KLF12: variants seen among roughly 807,000 people sequenced by gnomAD.
KLF12 encodes the protein Krueppel-like factor 12.
KLF12 carries 9 observed loss-of-function variants against 37.8 expected under a neutral mutation model. The ratio of observed to expected loss-of-function variants is 0.24; its 90% CI spans 0.14 to 0.42. The LOEUF (loss-of-function observed/expected upper bound fraction) is 0.42. Among genes scored for constraint, KLF12 ranks in the 10% least tolerant of loss-of-function variants. The probability of loss-of-function intolerance (pLI) is 1.00; values close to 1 mark genes in which losing one functional copy is unlikely to be tolerated. For synonymous variants in KLF12, 208 were observed against 202.1 expected, an observed-to-expected ratio of 1.03 and a Z score of -0.25; for missense variants, 411 against 516.0, an observed-to-expected ratio of 0.80 and a Z score of 1.97.
intron 2 of KLF12, among the ~76,000 whole-genome samples, chr13:73,984,785 C>A (rs192951871): frequency 6.6e-6 from 1 of 152,198 alleles, no homozygotes; most frequent in Admixed American, 6.5e-5. Flanking sequence ...AAAAACAAAA[C>A]GTTACGGATT....
rs191469012 is a variant in KLF12 at position 73,914,881 on chromosome 13, A to G, written c.123+29100T>C. Among the ~76,000 whole-genome samples the G allele has an allele frequency of 1.8e-4, 27 of 152,242 alleles. 1 individual carries two copies. The highest frequency in any genetic ancestry group is 1.5e-3 in the Admixed American group (23 of 15,280). On this transcript the variant is annotated intron_variant, in intron 3 of 7. Transcript: ENST00000377669. ...TTTTGCTTTCATTGAAGAATTCCCA[A>G]AAGTAAGTTTTCCATTTTACATTCT...
rs185169169 is a variant in KLF12, at chr13:73,818,362, G to T, written c.671-5075C>A. On this transcript the variant is annotated intron_variant, in intron 4 of 7. Transcript: ENST00000377669. ...CTGAGACTTGATAGGATGCTCATAT[G>T]GGTGGGTTCTCACTGGTGTATGGTC... 1.6e-3 allele frequency among the ~76,000 whole-genome samples: 239 copies of T among 152,328 alleles called. 1 individual carries two copies. Among genetic ancestry groups the T allele is most frequent in the Non-Finnish European group, 2.7e-3 (184 of 68,034 alleles).
At chr13:74,067,200 C>A (rs1000506770) in intron 1 of KLF12, among the ~76,000 whole-genome samples, 5 of 151,852 alleles carry the variant, frequency 3.3e-5, no homozygotes, top group Admixed American at 6.6e-5. Context: ...TAACAAGATA[C>A]AACCCTTGAA....
chr13:74,186,237 T>C, the KLF12 span, among the ~76,000 whole-genome samples: 1 of 152,194 alleles, frequency 6.6e-6, no homozygotes, highest in Non-Finnish European at 1.5e-5. Flanking sequence ...TACTTTGATA[T>C]TAGCAACAGC....
At chr13:74,082,251 T>G (rs954816657) in intron 1 of KLF12, among the ~76,000 whole-genome samples, 1 of 151,488 alleles carries the variant, frequency 6.6e-6, no homozygotes, top group African/African-American at 2.4e-5. Flanking sequence ...GAGGATCACC[T>G]GACCCCAGGA....
chr13:73,929,552 C>G (rs1404873325), intron 3 of KLF12, among the ~76,000 whole-genome samples: 1 of 152,134 alleles, frequency 6.6e-6, no homozygotes, highest in African/African-American at 2.4e-5. Flanking sequence ...ACAACAGAAT[C>G]CCCTCCGTAT....
chr13:73,881,878 A>C (rs1172531395), intron 3 of KLF12, among the ~76,000 whole-genome samples: 1 of 152,182 alleles, frequency 6.6e-6, no homozygotes, highest in Non-Finnish European at 1.5e-5. Flanking sequence ...TGGAGGAAGA[A>C]AGTGGCATTA....
In KLF12 at chr13:73,885,794, G is replaced by C. The variant is rs528704817; in HGVS notation, c.124-39421C>G. ...GTACACAGAGAATACGTTGAAGGGAGTGACAGCAGAAGTTAGAGAAACCAT... is the reference window on the plus strand; with the variant it reads ...GTACACAGAGAATACGTTGAAGGGACTGACAGCAGAAGTTAGAGAAACCAT... On this transcript the variant is annotated intron_variant, in intron 3 of 7. Coordinates refer to ENST00000377669, the MANE Select transcript of KLF12 (RefSeq NM_007249.5). 1.8e-4 allele frequency among the ~76,000 whole-genome samples: 27 copies of C among 152,320 alleles called. No homozygotes were observed. In the South Asian group the frequency reaches 5.2e-3, roughly 29 times the overall value.
At chr13:74,224,383 A>T in the KLF12 span, among the ~76,000 whole-genome samples, 1 of 152,176 alleles carries the variant, frequency 6.6e-6, no homozygotes, top group African/African-American at 2.4e-5. Flanking sequence ...GATATCTATG[A>T]CATCCAGGAT....
intron 3 of KLF12, among the ~76,000 whole-genome samples, chr13:73,923,023 G>C (rs1488014879): frequency 6.6e-6 from 1 of 152,160 alleles, no homozygotes; most frequent in African/African-American, 2.4e-5. Context: ...CTGTACAAAA[G>C]ATGTGGAATC....
intron 4 of KLF12, 70 bp from the exon 5 acceptor site, chr13:73,813,357 A>G: frequency 6.5e-7 from 1 of 1,537,852 alleles, no homozygotes; most frequent in Non-Finnish European, 8.9e-7. Flanking sequence ...CTGGACCAAC[A>G]TCAAGTATGG....
At chr13:74,195,994 A>G in the KLF12 span, among the ~76,000 whole-genome samples, 1 of 152,190 alleles carries the variant, frequency 6.6e-6, no homozygotes, top group Non-Finnish European at 1.5e-5. Flanking sequence ...CTGTGGTTAC[A>G]AGGTATTATG....
At chr13:74,234,070 A>G in the KLF12 span, among the ~76,000 whole-genome samples, 1 of 152,228 alleles carries the variant, frequency 6.6e-6, no homozygotes. Flanking sequence ...CAAGATGTTG[A>G]TAATAGGAGG....
the KLF12 span, among the ~76,000 whole-genome samples, chr13:74,270,495 A>G: frequency 2.3e-4 from 35 of 152,314 alleles, no homozygotes; most frequent in African/African-American, 7.5e-4. Flanking sequence ...GTAATCACAC[A>G]TCAGTGTGCT....
In KLF12 at chr13:74,069,085, G is replaced by A. The variant is rs560969965; in HGVS notation, c.-32+64654C>T. On this transcript the variant is annotated intron_variant, in intron 1 of 7. Transcript: ENST00000377669. ...CAAATGTAATGGGATAGACAGACAT[G>A]CTAACAAACAGTAGCTATTCATCAT... 2.0e-5 allele frequency among the ~76,000 whole-genome samples: 3 copies of A among 152,264 alleles called. No homozygotes were observed. The East Asian group carries it at 5.8e-4, about 29-fold the overall frequency.
the KLF12 span, among the ~76,000 whole-genome samples, chr13:74,161,175 G>A: frequency 2.6e-5 from 4 of 151,702 alleles, no homozygotes; most frequent in Admixed American, 2.0e-4. Context: ...TAGAGTTTTA[G>A]CAAATTTGTT....
the KLF12 span, among the ~76,000 whole-genome samples, chr13:74,159,458 T>C: frequency 6.6e-6 from 1 of 152,196 alleles, no homozygotes; most frequent in Non-Finnish European, 1.5e-5. Flanking sequence ...TGCTGAAAAT[T>C]CTAACAGTAC....
the KLF12 span, among the ~76,000 whole-genome samples, chr13:74,272,313 C>T: frequency 1.1e-4 from 17 of 152,262 alleles, no homozygotes; most frequent in African/African-American, 4.1e-4. Context: ...CCTGATGTTC[C>T]TTTCTTGGAA....
At chr13:73,977,051 C>CTT (rs113481989) in intron 2 of KLF12, among the ~76,000 whole-genome samples, 16 of 139,712 alleles carry the variant, frequency 1.1e-4, no homozygotes, top group African/African-American at 3.1e-4. Flanking sequence ...AGACAACATA[C>CTT]TTTTTTTTTT....
Sources: gnomAD v4.1 joint callset for allele counts (sites outside exome capture counted in the v4.1 genomes callset) on GRCh38, gnomAD v4.1.1 for gene constraint, MANE v1.5 for transcripts, NCBI Gene and HGNC (gene_info 2026-07-23, HGNC 2026-07-21) for gene names.